SARS2: variants seen among roughly 807,000 people sequenced by gnomAD.
The protein encoded by SARS2 is seryl-tRNA synthetase 2, mitochondrial.
In SARS2, 52 loss-of-function variants were observed where a neutral mutation model predicts 66.8. The ratio of observed to expected loss-of-function variants is 0.78; its 90% CI spans 0.62 to 0.98. The LOEUF is 0.98. Among genes scored for constraint, SARS2 ranks in the 50% least tolerant of loss-of-function variants. The pLI, the probability that SARS2 is intolerant of heterozygous loss-of-function variation, is 0.00. For missense variants in SARS2, 673 were observed against 706.3 expected (o/e 0.95, Z 0.53); for synonymous variants, 306 against 281.4 (o/e 1.09, Z -0.87).
At chr19:38,919,967 TG>T in intron 6 of SARS2, 100 bp from the exon 7 acceptor site, 1 of 1,365,888 alleles carries the variant, frequency 7.3e-7, no homozygotes, top group Non-Finnish European at 1.0e-6. Context: ...TGGGTGGGGC[TG>T]GGGCATCAAA....
intron 1 of SARS2, among the ~76,000 whole-genome samples, chr19:38,927,724 CTGTTT>C (rs780784302): frequency 5.3e-5 from 8 of 152,222 alleles, no homozygotes; most frequent in Middle Eastern, 6.8e-3. Flanking sequence ...TTGTCCTTTT[CTGTTT>C]TGTTTTTAAT....
At chr19:38,924,027 G>A (rs1321592722) in intron 2 of SARS2, among the ~76,000 whole-genome samples, 1 of 152,048 alleles carries the variant, frequency 6.6e-6, no homozygotes, top group Admixed American at 6.5e-5. Context: ...AGCGACTCAG[G>A]AGGCTGAGGC....
intron 14 of SARS2, 56 bp downstream of exon 14, chr19:38,915,981 A>C: frequency 6.2e-7 from 1 of 1,612,320 alleles, no homozygotes; most frequent in South Asian, 1.1e-5. Context: ...GGGTGGGTCT[A>C]GGGCGGCAGA....
chr19:38,916,514 G>C (rs1974421489), intron 12 of SARS2, among the ~76,000 whole-genome samples, 200 bp from the exon 13 acceptor site: 3 of 152,126 alleles, frequency 2.0e-5, no homozygotes, highest in Non-Finnish European at 4.4e-5. Flanking sequence ...CCAAAGGAGA[G>C]AGTTGTGAGG....
At chr19:38,925,296 G>C (rs1231177021) in intron 2 of SARS2, among the ~76,000 whole-genome samples, 1 of 152,208 alleles carries the variant, frequency 6.6e-6, no homozygotes, top group Non-Finnish European at 1.5e-5. Context: ...CTGGGTAACA[G>C]AGTGAGACTC....
chr19:38,918,434 C>G lies in SARS2; in HGVS notation c.904G>C (p.Val302Leu), dbSNP rs149720096. The G allele has an allele frequency of 3.5e-5, 57 of 1,614,016 alleles. 2 individuals are homozygous for G. The South Asian group carries it at 5.9e-4, about 17-fold the overall frequency. The change falls in exon 9 of 16, where the codon GTG (valine) becomes CTG (leucine). Residue 302 changes from valine (V) to leucine (L), a missense_variant. Physicochemically the swap from Val to Leu is conservative, Grantham distance 32 (BLOSUM62 1). Coordinates refer to ENST00000221431, the MANE Select transcript of SARS2 (RefSeq NM_017827.4). ...CACAGGTCCTCACCTGCAAGCCCCA[C>G]CTCCGCTGTTCCAGCCAGGTTGAGA... ...KDLNLAGTAEVGLAGYFMDHT... is the reference protein window; with the variant it reads ...KDLNLAGTAELGLAGYFMDHT...
At position 38,915,706 on chromosome 19, in the gene SARS2, C is replaced by T; in HGVS notation, c.1457G>A (p.Gly486Asp). The T allele has an allele frequency of 1.2e-6, 2 of 1,613,134 alleles. No homozygotes were observed. The highest frequency in any genetic ancestry group is 1.7e-6 in the Non-Finnish European group (2 of 1,179,532). Residue 486 changes from glycine (G) to aspartate (D), a missense_variant, in exon 16 of 16, where the codon GGC becomes GAC. By Grantham distance (94) the Gly-to-Asp change is moderately conservative. Transcript: ENST00000221431. ...GGTAGGGGCTGTGATCCGATCAGTG[C>T]CGAGGTAGGACTGGAGGGCAGGGGG... ...LVPPALQSYL[G>D]TDRITAPTHV... is the part of the protein sequence containing the mutation.
chr19:38,917,381 C>T (rs2144762491), intron 12 of SARS2, among the ~76,000 whole-genome samples: 1 of 152,316 alleles, frequency 6.6e-6, no homozygotes, highest in South Asian at 2.1e-4. Flanking sequence ...TCTGGCTCCC[C>T]CTTTTCCCAC....
At position 38,915,548 on chromosome 19, in the gene SARS2, G is replaced by A. The variant is rs558856419; in HGVS notation, c.*58C>T. 644 of 1,590,868 alleles carry A rather than the reference G, an allele frequency of 4.0e-4. 2 individuals carry two copies. The highest frequency in any genetic ancestry group is 1.6e-3 in the Middle Eastern group (7 of 4,440). On this transcript the variant is annotated 3_prime_UTR_variant, in exon 16 of 16. Coordinates refer to ENST00000221431, the MANE Select transcript of SARS2 (RefSeq NM_017827.4). ...TCAGCAACACAGGTCCCAGGTGTCC[G>A]GGGTCTCCTGAACTCCAGGAAGCAG...
At position 38,916,035 on chromosome 19, in the gene SARS2, A is replaced by G. The variant is rs1974408182; in HGVS notation, c.1347+2T>C. The G allele has an allele frequency of 6.8e-6, 11 of 1,613,320 alleles. No homozygotes were observed. Among genetic ancestry groups the G allele is most frequent in the Non-Finnish European group, 9.3e-6 (11 of 1,179,888 alleles). Reference sequence around the variant, plus strand: ...GCGGGCAGGAGGCTGTGCGGGCCTCACCGTGTGGGCAAACTGCAGCTCCCC... The same window carrying G: ...GCGGGCAGGAGGCTGTGCGGGCCTCGCCGTGTGGGCAAACTGCAGCTCCCC... On this transcript the variant is annotated splice_donor_variant, in intron 14 of 15. Coordinates refer to ENST00000221431, the MANE Select transcript of SARS2 (RefSeq NM_017827.4). LOFTEE classifies it high-confidence loss of function.
intron 7 of SARS2, among the ~76,000 whole-genome samples, 166 bp from the exon 8 acceptor site, chr19:38,918,979 T>TCACTTGAGGC (rs1974470410): frequency 6.6e-6 from 1 of 152,010 alleles, no homozygotes; most frequent in Non-Finnish European, 1.5e-5. Context: ...GAGGCTGAGG[T>TCACTTGAGGC]GGGCGGATCA....
intron 1 of SARS2, among the ~76,000 whole-genome samples, chr19:38,927,671 CACA>C (rs574256267): frequency 2.0e-5 from 3 of 152,268 alleles, no homozygotes; most frequent in South Asian, 4.1e-4. Context: ...AACAGCAATG[CACA>C]ACGATTCCGA....
At chr19:38,923,965 C>T (rs1311822849) in intron 2 of SARS2, among the ~76,000 whole-genome samples, 2 of 99,942 alleles carry the variant, frequency 2.0e-5, no homozygotes, top group Non-Finnish European at 3.7e-5. Flanking sequence ...AAGAGCGAGA[C>T]TCAGTCTCAA....
At chr19:38,918,851 C>T (rs1974468051) in intron 7 of SARS2, 38 bp from the exon 8 acceptor site, 5 of 1,544,606 alleles carry the variant, frequency 3.2e-6, no homozygotes, top group African/African-American at 1.4e-5. Flanking sequence ...GAGCTGGGAC[C>T]CCTACCAGAC....
chr19:38,930,554 C>T lies in SARS2; in HGVS notation c.183G>A (p.Glu61=). The T allele has an allele frequency of 6.2e-7, 1 of 1,613,868 alleles. No individual in the cohort carries two copies. The highest frequency in any genetic ancestry group is 1.1e-5 in the South Asian group (1 of 91,088). The part of the protein sequence containing the change: ...GYSALPQLDI[E]RFCACPEEAA... ...CCTCTTCTGGGCATGCGCAGAACCGCTCTATGTCCAGCTGAGGGAGTGCGC... is the reference window on the plus strand; with the variant it reads ...CCTCTTCTGGGCATGCGCAGAACCGTTCTATGTCCAGCTGAGGGAGTGCGC... Residue 61 remains glutamate (E), a synonymous_variant, in exon 1 of 16, where the codon GAG becomes GAA. Transcript: ENST00000221431.
chr19:38,917,166 C>A (rs1351156671), intron 12 of SARS2, among the ~76,000 whole-genome samples: 2 of 151,402 alleles, frequency 1.3e-5, no homozygotes, highest in Non-Finnish European at 2.9e-5. Flanking sequence ...CGCTGTGTTG[C>A]CCAGGCTGGT....
In SARS2 at chr19:38,930,746, G is replaced by T; in HGVS notation, c.-10C>A. The T allele has an allele frequency of 6.2e-7, 1 of 1,612,282 alleles. No homozygotes were observed. Among genetic ancestry groups the T allele is most frequent in the South Asian group, 1.1e-5 (1 of 91,020 alleles). On this transcript the variant is annotated 5_prime_UTR_variant, in exon 1 of 16. Transcript: ENST00000221431. ...CCATGGACGCAGCCATCTTGGACCG[G>T]GAACAAGGCGGCACTTCGTCCCGCC...
At position 38,915,675 on chromosome 19, in the gene SARS2, C is replaced by T. The variant is rs763679893; in HGVS notation, c.1488G>A (p.Val496=). 7 of 1,613,118 alleles carry T rather than the reference C, an allele frequency of 4.3e-6. 1 individual carries two copies. The South Asian group carries it at 7.7e-5, about 18-fold the overall frequency. Residue 496 remains valine (V), a synonymous_variant, in exon 16 of 16, where the codon GTG becomes GTA. Transcript: ENST00000221431. ...GGTTGGGGCCGATGTACTGGAGAGG[C>T]ACGTGGGTAGGGGCTGTGATCCGAT... ...GTDRITAPTH[V]PLQYIGPNQP... is the part of the protein sequence containing the mutation.
At chr19:38,918,039 G>C (rs770288697) in intron 10 of SARS2, 31 bp from the exon 11 acceptor site, 8 of 1,601,462 alleles carry the variant, frequency 5.0e-6, no homozygotes, top group South Asian at 2.2e-5. Flanking sequence ...TCGGGTCAAG[G>C]AGGGAAGACT....
Sources: allele counts gnomAD v4.1 joint callset (sites outside exome capture counted in the v4.1 genomes callset), GRCh38; gene constraint gnomAD v4.1.1; transcripts MANE v1.5; gene names NCBI Gene and HGNC (gene_info 2026-07-23, HGNC 2026-07-21).